Variants in ABAT observed in about 807,000 individuals in gnomAD.
The protein encoded by ABAT is 4-aminobutyrate aminotransferase, also known as 4-aminobutyrate aminotransferase, mitochondrial.
A neutral mutation model predicts 64.6 loss-of-function variants in ABAT; 45 were observed. That is an observed-to-expected ratio of 0.70 (90% CI 0.55 to 0.89). ABAT has a LOEUF of 0.89. Ranked by LOEUF, ABAT falls within the 40% of genes least tolerant of loss-of-function variation. The probability of loss-of-function intolerance (pLI) is 0.00; values close to 1 mark genes in which losing one functional copy is unlikely to be tolerated. For synonymous variants in ABAT, 297 were observed against 250.5 expected, an observed-to-expected ratio of 1.19 and a Z score of -1.75; for missense variants, 633 against 658.4, an observed-to-expected ratio of 0.96 and a Z score of 0.42.
In ABAT at chr16:8,744,528, C is replaced by T. The variant is rs189162713; in HGVS notation, c.71-1473C>T. Among the ~76,000 whole-genome samples the T allele has an allele frequency of 7.6e-4, 115 of 151,984 alleles. 1 individual carries two copies. The South Asian group carries it at 0.021, about 28-fold the overall frequency. On this transcript the variant is annotated intron_variant, in intron 2 of 15. Transcript: ENST00000268251. Reference sequence around the variant, plus strand: ...GATTACAGGTGCCTGCCACCACACCCGGCTAGTTTTTATATTTTTGATAGA... The same window carrying T: ...GATTACAGGTGCCTGCCACCACACCTGGCTAGTTTTTATATTTTTGATAGA...
At chr16:8,751,688 C>T (rs1457524015) in intron 5 of ABAT, among the ~76,000 whole-genome samples, 1 of 152,082 alleles carries the variant, frequency 6.6e-6, no homozygotes, top group African/African-American at 2.4e-5. Context: ...TTGCCAAGGG[C>T]GATTTTCCAG....
At chr16:8,677,942 C>G (rs2057242078) in intron 1 of ABAT, among the ~76,000 whole-genome samples, 1 of 151,984 alleles carries the variant, frequency 6.6e-6, no homozygotes, top group South Asian at 2.1e-4. Context: ...GCCTGTAGTC[C>G]TAGCAACCTG....
chr16:8,721,782 T>A (rs1364551143), intron 1 of ABAT, among the ~76,000 whole-genome samples: 1 of 152,224 alleles, frequency 6.6e-6, no homozygotes, highest in Non-Finnish European at 1.5e-5. Context: ...ACTCGGCCTC[T>A]TAGCTCATCT....
At chr16:8,725,152 G>A (rs1054378777) in intron 1 of ABAT, among the ~76,000 whole-genome samples, 5 of 152,144 alleles carry the variant, frequency 3.3e-5, no homozygotes, top group African/African-American at 4.8e-5. Flanking sequence ...CTGACCTCAG[G>A]TGATCTACCC....
intron 1 of ABAT, among the ~76,000 whole-genome samples, chr16:8,702,203 G>A (rs944002381): frequency 2.0e-5 from 3 of 152,010 alleles, no homozygotes; most frequent in African/African-American, 7.2e-5. Context: ...GAGGTGAAGG[G>A]GGAGCAGGCA....
At chr16:8,684,525 T>C (rs1182509138) in intron 1 of ABAT, among the ~76,000 whole-genome samples, 1 of 151,922 alleles carries the variant, frequency 6.6e-6, no homozygotes, top group Non-Finnish European at 1.5e-5. Context: ...CTGGGCAACA[T>C]AGCAAGACCC....
In ABAT at chr16:8,783,807, G is replaced by T. The variant is rs1373987433; in HGVS notation, c.*2377G>T. The T allele has an allele frequency of 6.6e-6, 1 of 152,054 alleles. No homozygotes were observed. The highest frequency in any genetic ancestry group is 2.4e-5 in the African/African-American group (1 of 41,400). The allele number at this position is 152,054 out of a possible 1,614,324, so 9.4% of individuals were successfully genotyped here. On this transcript the variant is annotated 3_prime_UTR_variant, in exon 16 of 16. Coordinates refer to ENST00000268251, the MANE Select transcript of ABAT (RefSeq NM_020686.6). The stretch of plus-strand genomic sequence containing the variant: ...GTAGGGAGAGGGGCTCCAATATTTC[G>T]TTCTCTCCCCATGGGGCACTGACAG...
Position 8,768,930 on chromosome 16 carries a change from T to C in ABAT, c.773T>C (p.Phe258Ser), listed in dbSNP as rs2060022822. The C allele has an allele frequency of 6.2e-7, 1 of 1,614,106 alleles. No homozygotes were observed. The highest frequency in any genetic ancestry group is 1.1e-5 in the South Asian group (1 of 91,080). Reference sequence around the variant, plus strand: ...CGGCTGAAATACCCTCTGGAAGAGTTTGTGAAAGAGAACCAACAGGAGGAG... The same window carrying C: ...CGGCTGAAATACCCTCTGGAAGAGTCTGTGAAAGAGAACCAACAGGAGGAG... ...FPRLKYPLEE[F>S]VKENQQEEAR... The change falls in exon 11 of 16, where the codon TTT becomes TCT. Residue 258 changes from phenylalanine (F) to serine (S), a missense_variant. Phe to Ser is a radical substitution (Grantham distance 155). Coordinates refer to ENST00000268251, the MANE Select transcript of ABAT (RefSeq NM_020686.6).
At position 8,773,161 on chromosome 16, in the gene ABAT, T is replaced by A. The variant is rs866177654; in HGVS notation, c.954+244T>A. Among the ~76,000 whole-genome samples the A allele has an allele frequency of 1.9e-3, 211 of 110,144 alleles. 1 individual carries two copies. Among genetic ancestry groups the A allele is most frequent in the African/African-American group, 5.5e-3 (185 of 33,728 alleles). 72.3% of individuals were successfully genotyped at this position (110,144 alleles called of 152,430 possible). A position where few individuals can be genotyped will look rare whatever the true frequency, so the allele number is the denominator to read the frequency against. ...ACACACACACACATATATATATATT[T>A]TTTTTTTTGAGACAGAGTCTCACTC... On this transcript the variant is annotated intron_variant, in intron 12 of 15. Transcript: ENST00000268251.
chr16:8,765,335 CAA>C (rs143330523), intron 8 of ABAT, among the ~76,000 whole-genome samples: 19 of 134,064 alleles, frequency 1.4e-4, no homozygotes, highest in African/African-American at 1.9e-4. Flanking sequence ...GACCCTGTCT[CAA>C]AAAAAAAAAA....
chr16:8,763,352 C>A (rs954693806), intron 6 of ABAT, among the ~76,000 whole-genome samples: 1 of 152,168 alleles, frequency 6.6e-6, no homozygotes, highest in South Asian at 2.1e-4. Flanking sequence ...CACTACTTAT[C>A]CTAGACCCAA....
chr16:8,714,049 T>C (rs1467193718), intron 1 of ABAT, among the ~76,000 whole-genome samples: 2 of 152,130 alleles, frequency 1.3e-5, no homozygotes, highest in African/African-American at 4.8e-5. Flanking sequence ...TGGCTCTCTG[T>C]GTGTAGGACA....
Position 8,776,951 on chromosome 16 carries a change from T to A in ABAT, c.1269+461T>A, listed in dbSNP as rs994806497. 6.6e-6 allele frequency among the ~76,000 whole-genome samples: 1 copy of A among 152,130 alleles called. No individual in the cohort carries two copies. The highest frequency in any genetic ancestry group is 6.6e-5 in the Admixed American group (1 of 15,260). On this transcript the variant is annotated intron_variant, in intron 14 of 15. Transcript: ENST00000268251. This position sits in a 1 kb window ranked among gnomAD's most constrained non-coding sequence, Gnocchi z 4.4. ...GTCTTGCTTTGTACCCAGGCTGGAG[T>A]GCAGTGGCGCAATCTCAGCTCACCG...
rs11640314 is a variant in ABAT at position 8,764,585 on chromosome 16, C to T, written c.448-153C>T. The stretch of plus-strand genomic sequence containing the variant: ...GCTTCTCCGCCACCCCTGGAAAAGC[C>T]TGAGCCCACCCTCCCAGTCCGACAC... On this transcript the variant is annotated intron_variant, in intron 7 of 15. Transcript: ENST00000268251. This position sits in a 1 kb window ranked among gnomAD's most constrained non-coding sequence, Gnocchi z 4.2. 6.6e-6 allele frequency among the ~76,000 whole-genome samples: 1 copy of T among 152,310 alleles called. No homozygotes were observed. The highest frequency in any genetic ancestry group is 2.4e-5 in the African/African-American group (1 of 41,574).
chr16:8,681,982 C>T lies in ABAT; in HGVS notation c.-42+7271C>T, dbSNP rs8058062. On this transcript the variant is annotated intron_variant, in intron 1 of 15. Coordinates refer to ENST00000268251, the MANE Select transcript of ABAT (RefSeq NM_020686.6). ...ACGTGGAAGCGAGGCTGTCCTGTGCCGGATGTTTAGCAGCATTCTTGGCCT... is the reference window on the plus strand; with the variant it reads ...ACGTGGAAGCGAGGCTGTCCTGTGCTGGATGTTTAGCAGCATTCTTGGCCT... 4.6e-3 allele frequency among the ~76,000 whole-genome samples: 702 copies of T among 152,118 alleles called. 9 individuals carry two copies. Among genetic ancestry groups the T allele is most frequent in the African/African-American group, 0.016 (679 of 41,488 alleles).
intron 1 of ABAT, among the ~76,000 whole-genome samples, chr16:8,732,294 C>T (rs1213939181): frequency 6.8e-6 from 1 of 146,056 alleles, no homozygotes; most frequent in Non-Finnish European, 1.5e-5. Context: ...GGTCATAGGA[C>T]AATAGTGGAG....
In ABAT at chr16:8,764,923, C is replaced by A. The variant is rs1206338342; in HGVS notation, c.540+93C>A. The A allele has an allele frequency of 4.2e-6, 5 of 1,181,510 alleles. No individual in the cohort carries two copies. The highest frequency in any genetic ancestry group is 6.3e-6 in the Non-Finnish European group (5 of 795,908). The allele number at this position is 1,181,510 out of a possible 1,614,324, so 73.2% of individuals were successfully genotyped here. Reference sequence around the variant, plus strand: ...TTGTCTGACTGTTCATTCCAATGGGCTGGAGTATTAGACATCAGTACCAGG... The same window carrying A: ...TTGTCTGACTGTTCATTCCAATGGGATGGAGTATTAGACATCAGTACCAGG... On this transcript the variant is annotated intron_variant, in intron 8 of 15. Transcript: ENST00000268251. The surrounding 1 kb of genome is among the most constrained non-coding windows in gnomAD (Gnocchi z 4.2).
intron 1 of ABAT, among the ~76,000 whole-genome samples, chr16:8,709,314 C>G (rs2058018527): frequency 6.6e-6 from 1 of 151,080 alleles, no homozygotes; most frequent in Non-Finnish European, 1.5e-5. Context: ...TTGATGTGAC[C>G]ACTAGAAATT....
At chr16:8,763,879 C>A (rs1410929592) in intron 6 of ABAT, among the ~76,000 whole-genome samples, 190 bp from the exon 7 acceptor site, 2 of 152,196 alleles carry the variant, frequency 1.3e-5, no homozygotes, top group South Asian at 2.1e-4. Flanking sequence ...TTTAAAACAT[C>A]CACAGCAATC....
Sources: gnomAD v4.1 joint callset for allele counts (sites outside exome capture counted in the v4.1 genomes callset) on GRCh38, gnomAD v4.1.1 for gene constraint, Gnocchi (gnomAD v3.1) non-coding constraint, MANE v1.5 for transcripts, NCBI Gene and HGNC (gene_info 2026-07-23, HGNC 2026-07-21) for gene names.